Variants in MRPL48 observed in about 807,000 individuals in gnomAD.
MRPL48 encodes the protein large ribosomal subunit protein mL48.
A neutral mutation model predicts 32.9 loss-of-function variants in MRPL48; 16 were observed. The ratio of observed to expected loss-of-function variants is 0.49; its 90% CI spans 0.33 to 0.74. The LOEUF is 0.74. Among genes scored for constraint, MRPL48 ranks in the 30% least tolerant of loss-of-function variants. The pLI, the probability that MRPL48 is intolerant of heterozygous loss-of-function variation, is 0.02. For missense variants in MRPL48, 206 were observed against 245.3 expected, an observed-to-expected ratio of 0.84 and a Z score of 1.07; for synonymous variants, 94 against 89.2, an observed-to-expected ratio of 1.05 and a Z score of -0.31.
At chr11:73,789,302 A>T (rs1163392773) in intron 1 of MRPL48, 3 of 152,218 alleles carry the variant, frequency 2.0e-5, no homozygotes, top group South Asian at 2.1e-4. Context: ...ATTTCCAACC[A>T]TTCGGTTCTC....
intron 2 of MRPL48, among the ~76,000 whole-genome samples, chr11:73,806,114 T>C (rs1282184506): frequency 1.3e-5 from 2 of 152,150 alleles, no homozygotes; most frequent in East Asian, 3.8e-4. Flanking sequence ...GAGTGATTTT[T>C]TTTTTTAAAG....
intron 4 of MRPL48, among the ~76,000 whole-genome samples, chr11:73,830,783 GGGAA>G (rs150419693): frequency 0.055 from 8,354 of 152,068 alleles, 252 homozygotes; most frequent in Middle Eastern, 0.11. Context: ...TACGCATCTT[GGGAA>G]GGAAGGGGGT....
chr11:73,825,304 G>A (rs939809242), intron 3 of MRPL48, among the ~76,000 whole-genome samples: 2 of 151,500 alleles, frequency 1.3e-5, no homozygotes, highest in African/African-American at 2.4e-5. Flanking sequence ...GTGTGTGTGT[G>A]TGTGTGTGTG....
chr11:73,823,310 G>A (rs1423856807), intron 3 of MRPL48, among the ~76,000 whole-genome samples: 1 of 152,068 alleles, frequency 6.6e-6, no homozygotes, highest in Non-Finnish European at 1.5e-5. Context: ...GAAGAAATGA[G>A]GGCAGGACCA....
chr11:73,816,284 A>C, intron 3 of MRPL48, among the ~76,000 whole-genome samples: 1 of 147,130 alleles, frequency 6.8e-6, no homozygotes. Flanking sequence ...GATGGTCTCG[A>C]TCTCCTGACC....
In MRPL48 at chr11:73,850,967, C is replaced by T. The variant is rs532986738; in HGVS notation, c.371+5991C>T. Reference sequence around the variant, plus strand: ...CTGGGATTACAGGCGTGAGCCACCGCGCCCGGCCTGGGCTATACAATTTTT... The same window carrying T: ...CTGGGATTACAGGCGTGAGCCACCGTGCCCGGCCTGGGCTATACAATTTTT... On this transcript the variant is annotated intron_variant, in intron 5 of 7. Transcript: ENST00000310614. 62 of 330,694 alleles carry T rather than the reference C, an allele frequency of 1.9e-4. 1 individual carries two copies. In the East Asian group the frequency reaches 3.0e-3, roughly 16 times the overall value. 20.5% of individuals were successfully genotyped at this position (330,694 alleles called of 1,614,324 possible). A position where few individuals can be genotyped will look rare whatever the true frequency, so the allele number is the denominator to read the frequency against.
intron 4 of MRPL48, among the ~76,000 whole-genome samples, chr11:73,839,288 C>T (rs1291804758): frequency 6.6e-6 from 1 of 152,178 alleles, no homozygotes; most frequent in Non-Finnish European, 1.5e-5. Context: ...AGGAACAATG[C>T]TGCTGTGGAA....
At chr11:73,856,107 G>A (rs1399232234) in intron 5 of MRPL48, among the ~76,000 whole-genome samples, 1 of 152,118 alleles carries the variant, frequency 6.6e-6, no homozygotes, top group African/African-American at 2.4e-5. Flanking sequence ...CAGGCATGGC[G>A]GACATGATTC....
intron 5 of MRPL48, among the ~76,000 whole-genome samples, chr11:73,854,718 C>A (rs751491537): frequency 2.0e-5 from 3 of 152,164 alleles, no homozygotes; most frequent in Non-Finnish European, 4.4e-5. Context: ...AAACAAACAA[C>A]CAACCAAAAC....
chr11:73,809,246 G>A (rs925078225), intron 3 of MRPL48, among the ~76,000 whole-genome samples: 17 of 144,716 alleles, frequency 1.2e-4, no homozygotes, highest in African/African-American at 4.2e-4. Context: ...GGTGCCTCAC[G>A]CCTGTAATCC....
chr11:73,831,106 C>A (rs1295188101), intron 4 of MRPL48, among the ~76,000 whole-genome samples: 1 of 152,094 alleles, frequency 6.6e-6, no homozygotes, highest in African/African-American at 2.4e-5. Context: ...TCCCTAAGAG[C>A]TGGGATTATA....
rs781295164 is a variant in MRPL48 at position 73,860,025 on chromosome 11, GA to G, written c.474+18del. 2.3e-5 allele frequency: 36 copies of G among 1,599,322 alleles called. No individual in the cohort carries two copies. The South Asian group carries it at 3.9e-4, about 17-fold the overall frequency. On this transcript the variant is annotated intron_variant, in intron 6 of 7. Coordinates refer to ENST00000310614, the MANE Select transcript of MRPL48 (RefSeq NM_016055.6). ...AGTGGTTCAGGTAGGCACTCCAGGAGAATAAAAAATGTATTTGCTTCTCCTG... is the reference window on the plus strand; with the variant it reads ...AGTGGTTCAGGTAGGCACTCCAGGAGATAAAAAATGTATTTGCTTCTCCTG...
chr11:73,814,880 A>T (rs1356532181), intron 3 of MRPL48, among the ~76,000 whole-genome samples: 1 of 146,852 alleles, frequency 6.8e-6, no homozygotes, highest in Non-Finnish European at 1.5e-5. Context: ...CCATAATCCC[A>T]GCTACTCCGG....
At chr11:73,826,621 G>GGT (rs1450005968) in intron 4 of MRPL48, among the ~76,000 whole-genome samples, 2 of 152,056 alleles carry the variant, frequency 1.3e-5, no homozygotes, top group Non-Finnish European at 2.9e-5. Context: ...AGGGATTATA[G>GGT]GCGTCCGCTG....
chr11:73,852,964 G>T (rs772627802), intron 5 of MRPL48, among the ~76,000 whole-genome samples: 62 of 152,136 alleles, frequency 4.1e-4, no homozygotes, highest in Non-Finnish European at 7.2e-4. Context: ...GGAACTGGAG[G>T]TTATTATGTT....
At chr11:73,816,576 C>T (rs1947679795) in intron 3 of MRPL48, among the ~76,000 whole-genome samples, 1 of 151,636 alleles carries the variant, frequency 6.6e-6, no homozygotes, top group Admixed American at 6.6e-5. Flanking sequence ...GCGATTCTCC[C>T]GCCTCAGCCT....
At position 73,864,417 on chromosome 11, in the gene MRPL48, A is replaced by C; in HGVS notation, c.*47A>C. On this transcript the variant is annotated 3_prime_UTR_variant, in exon 8 of 8. Transcript: ENST00000310614. Reference sequence around the variant, plus strand: ...CAGCAGTGGTCATATTGAGTGCCAAAGAGAAGAGCTTACTGGGTAGTTAGA... The same window carrying C: ...CAGCAGTGGTCATATTGAGTGCCAACGAGAAGAGCTTACTGGGTAGTTAGA... 6.3e-7 allele frequency: 1 copy of C among 1,590,654 alleles called. No homozygotes were observed. Among genetic ancestry groups the C allele is most frequent in the Non-Finnish European group, 8.6e-7 (1 of 1,161,616 alleles).
chr11:73,799,787 A>G (rs1947324244), intron 1 of MRPL48, among the ~76,000 whole-genome samples: 1 of 152,234 alleles, frequency 6.6e-6, no homozygotes, highest in Admixed American at 6.5e-5. Context: ...ATATAAAAGA[A>G]AATACAAAGA....
intron 3 of MRPL48, among the ~76,000 whole-genome samples, chr11:73,824,594 A>C (rs1947849787): frequency 6.6e-6 from 1 of 152,126 alleles, no homozygotes; most frequent in Non-Finnish European, 1.5e-5. Flanking sequence ...CAAAAAAAAA[A>C]ACAAAAAAAC....
Sources: gnomAD v4.1 joint callset for allele counts (sites outside exome capture counted in the v4.1 genomes callset) on GRCh38, gnomAD v4.1.1 for gene constraint, MANE v1.5 for transcripts, NCBI Gene and HGNC (gene_info 2026-07-23, HGNC 2026-07-21) for gene names.